Variants in PCGF3 observed in about 807,000 individuals in gnomAD.
The protein encoded by PCGF3 is polycomb group ring finger 3.
PCGF3 carries 7 observed loss-of-function variants against 33.1 expected under a neutral mutation model. The ratio of observed to expected loss-of-function variants is 0.21; its 90% CI spans 0.12 to 0.40. PCGF3 has a LOEUF of 0.40. Among genes scored for constraint, PCGF3 ranks in the 10% least tolerant of loss-of-function variants. PCGF3 has a pLI of 1.00. For missense variants in PCGF3, 211 were observed against 313.3 expected, an observed-to-expected ratio of 0.67 and a Z score of 2.46; for synonymous variants, 153 against 121.3, an observed-to-expected ratio of 1.26 and a Z score of -1.72.
exon 11 of PCGF3, chr4:767,312 A>C (rs1410712718): frequency 6.7e-6 from 1 of 150,236 alleles, no homozygotes; most frequent in Non-Finnish European, 1.5e-5. Context: ...AGCCACACAC[A>C]CATTTTTTTT....
At chr4:734,110 A>G (rs1743735623) in intron 4 of PCGF3, 1 of 1,550,676 alleles carries the variant, frequency 6.4e-7, no homozygotes, top group Non-Finnish European at 8.7e-7. Context: ...TCTCCAGAGG[A>G]GTTCCTTAGA....
chr4:716,946 T>C (rs1439918285), intron 1 of PCGF3, among the ~76,000 whole-genome samples: 2 of 119,930 alleles, frequency 1.7e-5, no homozygotes, highest in Non-Finnish European at 3.5e-5. Flanking sequence ...CTGTAGACAC[T>C]GTGAGTGTGA....
chr4:732,971 G>T (rs1413925380), intron 3 of PCGF3, among the ~76,000 whole-genome samples: 2 of 152,052 alleles, frequency 1.3e-5, no homozygotes, highest in African/African-American at 4.8e-5. Flanking sequence ...GAGCAGAGCG[G>T]CTGCGGCAGC....
chr4:769,784 G>A (rs987111300), exon 11 of PCGF3: 3 of 152,690 alleles, frequency 2.0e-5, no homozygotes, highest in Non-Finnish European at 4.4e-5. Context: ...TTTCCCAGAC[G>A]AAAGCAATGT....
At chr4:736,876 C>T (rs1258444189) in intron 5 of PCGF3, among the ~76,000 whole-genome samples, 8 of 112,112 alleles carry the variant, frequency 7.1e-5, no homozygotes, top group East Asian at 2.8e-4. Flanking sequence ...GCACGGGACG[C>T]GGGGAACCTG....
At chr4:716,238 A>T (rs555504085) in intron 1 of PCGF3, among the ~76,000 whole-genome samples, 74 of 130,552 alleles carry the variant, frequency 5.7e-4, no homozygotes, top group African/African-American at 1.9e-3. Flanking sequence ...CCCTCTAGAC[A>T]CTGTGAGTGT....
At chr4:706,879 G>A (rs1229501596) in intron 1 of PCGF3, among the ~76,000 whole-genome samples, 2 of 134,606 alleles carry the variant, frequency 1.5e-5, no homozygotes, top group Admixed American at 7.1e-5. Flanking sequence ...CCCAGCCCAG[G>A]CAGGACCCAG....
In PCGF3 at chr4:758,640, C is replaced by T. The variant is rs1211698886; in HGVS notation, c.463-2639C>T. ...TTCTTTCTCCCCGCGCGGCCCCTCT[C>T]CCGAGTTCTTCTCCTTCCGGACTCC... is the stretch of plus-strand genomic sequence containing the variant. On this transcript the variant is annotated intron_variant, in intron 8 of 10. Transcript: ENST00000362003. Among the ~76,000 whole-genome samples the T allele has an allele frequency of 4.3e-4, 53 of 123,034 alleles. 1 individual carries two copies. Among genetic ancestry groups the T allele is most frequent in the African/African-American group, 1.6e-3 (52 of 32,094 alleles). The allele number at this position is 123,034 out of a possible 152,430, so 80.7% of individuals were successfully genotyped here. A position where few individuals can be genotyped will look rare whatever the true frequency, so the allele number is the denominator to read the frequency against.
chr4:707,263 G>C (rs77554117), intron 1 of PCGF3, among the ~76,000 whole-genome samples: 5,867 of 152,046 alleles, frequency 0.039, 148 homozygotes, highest in East Asian at 0.093. Context: ...AGGGCCAGAC[G>C]TAGGGACCAG....
intron 1 of PCGF3, among the ~76,000 whole-genome samples, chr4:706,584 G>A (rs1185785657): frequency 1.4e-5 from 2 of 140,586 alleles, no homozygotes. Flanking sequence ...AGGACCGCGG[G>A]AGGGCAGGGA....
At chr4:722,918 ATCGCCATCCACGCCGG>A in intron 1 of PCGF3, among the ~76,000 whole-genome samples, 1 of 110,816 alleles carries the variant, frequency 9.0e-6, no homozygotes, top group African/African-American at 3.6e-5. Context: ...CACTCGCGTC[ATCGCCATCCACGCCGG>A]GTCCACACTC....
At chr4:763,839 C>T (rs191455126) in intron 9 of PCGF3, among the ~76,000 whole-genome samples, 26 of 152,260 alleles carry the variant, frequency 1.7e-4, no homozygotes, top group South Asian at 1.0e-3. Context: ...AAAAATAAAC[C>T]GTGGTGCATC....
Position 707,800 on chromosome 4 carries a change from C to T in PCGF3, c.-190+1830C>T, listed in dbSNP as rs1305025776. On this transcript the variant is annotated intron_variant, in intron 1 of 10. Transcript: ENST00000362003. ...GGACCCTGGGACAGCTCTGTTTTCCCCTGGGGGCCGGGACCCTGGGACAGC... is the reference window on the plus strand; with the variant it reads ...GGACCCTGGGACAGCTCTGTTTTCCTCTGGGGGCCGGGACCCTGGGACAGC... 1.5e-4 allele frequency among the ~76,000 whole-genome samples: 20 copies of T among 134,282 alleles called. 2 individuals are homozygous for T. The highest frequency in any genetic ancestry group is 4.2e-3 in the Middle Eastern group (1 of 240). The allele number at this position is 134,282 out of a possible 152,430, so 88.1% of individuals were successfully genotyped here.
In PCGF3 at chr4:741,003, G is replaced by A. The variant is rs534262568; in HGVS notation, c.263-2471G>A. Among the ~76,000 whole-genome samples the A allele has an allele frequency of 2.0e-4, 31 of 152,340 alleles. No homozygotes were observed. In the South Asian group the frequency reaches 5.2e-3, roughly 25 times the overall value. On this transcript the variant is annotated intron_variant, in intron 6 of 10. Transcript: ENST00000362003. ...ACTTTCAGGGCTGCACTTCGAAGCC[G>A]CAGTGAACTCTGGATTATTTTGTTG...
chr4:770,051 ATAT>A (rs1168865690), exon 11 of PCGF3: 1 of 152,704 alleles, frequency 6.5e-6, no homozygotes, highest in Admixed American at 6.5e-5. Context: ...TTGCCAATTA[ATAT>A]TATATGCTTG....
intron 7 of PCGF3, 111 bp from the exon 8 acceptor site, chr4:744,489 A>T (rs1003200500): frequency 1.3e-6 from 1 of 788,046 alleles, no homozygotes; most frequent in Non-Finnish European, 2.1e-6. Flanking sequence ...CCGGGGGTCC[A>T]GAGTCTCTTA....
exon 11 of PCGF3, chr4:769,363 G>A (rs992891098): frequency 5.2e-5 from 8 of 152,722 alleles, no homozygotes; most frequent in Non-Finnish European, 7.3e-5. Flanking sequence ...CACGTTGTAC[G>A]TGAATGTTTA....
chr4:718,600 T>G (rs1384387486), intron 1 of PCGF3, among the ~76,000 whole-genome samples: 2 of 152,258 alleles, frequency 1.3e-5, no homozygotes, highest in Non-Finnish European at 2.9e-5. Context: ...GTGCTCTGTG[T>G]GTGGCCCCCA....
intron 6 of PCGF3, among the ~76,000 whole-genome samples, chr4:742,963 G>A (rs1027269189): frequency 1.2e-4 from 18 of 152,238 alleles, no homozygotes; most frequent in Admixed American, 5.2e-4. Context: ...TGGTGGCCTT[G>A]GGTACCTGTG....
Sources: allele counts gnomAD v4.1 joint callset (sites outside exome capture counted in the v4.1 genomes callset), GRCh38; gene constraint gnomAD v4.1.1; transcripts MANE v1.5; gene names NCBI Gene and HGNC (gene_info 2026-07-23, HGNC 2026-07-21).